The following DAPK2 variants were observed in gnomAD, a reference collection of about 807,000 sequenced individuals.
The protein encoded by DAPK2 is death associated protein kinase 2.
A neutral mutation model predicts 44.1 loss-of-function variants in DAPK2; 35 were observed. The ratio of observed to expected loss-of-function variants is 0.79; its 90% CI spans 0.61 to 1.05. DAPK2 has a LOEUF of 1.05. Ranked by LOEUF, DAPK2 falls within the 50% of genes least tolerant of loss-of-function variation. DAPK2 has a pLI of 0.00. For synonymous variants in DAPK2, 174 were observed against 182.6 expected (o/e 0.95, Z 0.38); for missense variants, 453 against 483.2 (o/e 0.94, Z 0.59).
chr15:63,996,222 C>T (rs2078946157), intron 1 of DAPK2, among the ~76,000 whole-genome samples: 1 of 152,120 alleles, frequency 6.6e-6, no homozygotes, highest in Admixed American at 6.5e-5. Flanking sequence ...TCACTTGAGG[C>T]CAGGAGTTGA....
At chr15:63,951,065 G>A (rs1033073957) in intron 3 of DAPK2, among the ~76,000 whole-genome samples, 5 of 151,996 alleles carry the variant, frequency 3.3e-5, no homozygotes, top group South Asian at 2.1e-4. Flanking sequence ...CCCCCTCCCC[G>A]GGGTTCTGGA....
intron 1 of DAPK2, among the ~76,000 whole-genome samples, chr15:64,045,468 G>C (rs937256541): frequency 1.1e-4 from 17 of 152,096 alleles, no homozygotes; most frequent in African/African-American, 4.1e-4. Flanking sequence ...AGGATTCCAG[G>C]ATACAAGATG....
rs2078703399 is a variant in DAPK2 at position 63,908,510 on chromosome 15, G to C, written c.*10C>G. 1 of 1,577,774 alleles carries C rather than the reference G, an allele frequency of 6.3e-7. No individual in the cohort carries two copies. Reference sequence around the variant, plus strand: ...CAGACCTCCCTGGCGGCCACTGCAGGTCAGGCCAGTTAGGAGGTGCTGCTC... The same window carrying C: ...CAGACCTCCCTGGCGGCCACTGCAGCTCAGGCCAGTTAGGAGGTGCTGCTC... On this transcript the variant is annotated 3_prime_UTR_variant, in exon 11 of 11. Transcript: ENST00000261891. The surrounding 1 kb of genome is among the most constrained non-coding windows in gnomAD (Gnocchi z 5.7).
chr15:63,960,941 GC>G (rs2077882404), intron 3 of DAPK2, among the ~76,000 whole-genome samples: 2 of 152,200 alleles, frequency 1.3e-5, no homozygotes, highest in Admixed American at 6.5e-5. Flanking sequence ...AATGTTGACA[GC>G]GGGGTGTTAA....
intron 10 of DAPK2, among the ~76,000 whole-genome samples, chr15:63,910,444 C>A (rs940120012): frequency 6.6e-6 from 1 of 152,348 alleles, no homozygotes. Context: ...TCCTGAGCAC[C>A]CTACACCACG....
chr15:63,976,463 A>C (rs1447329072), intron 2 of DAPK2, among the ~76,000 whole-genome samples: 1 of 152,214 alleles, frequency 6.6e-6, no homozygotes, highest in African/African-American at 2.4e-5. Flanking sequence ...TCACACCTGT[A>C]ATCTCAGCAC....
At chr15:64,001,200 T>A (rs1265625670) in intron 1 of DAPK2, among the ~76,000 whole-genome samples, 1 of 128,560 alleles carries the variant, frequency 7.8e-6, no homozygotes, top group Non-Finnish European at 1.7e-5. Context: ...TTTAATCACC[T>A]CCACTACCTG....
chr15:64,012,955 C>G (rs2079426680), intron 1 of DAPK2, among the ~76,000 whole-genome samples: 1 of 152,158 alleles, frequency 6.6e-6, no homozygotes, highest in Non-Finnish European at 1.5e-5. Context: ...AAAATGTTTA[C>G]ACTACAACAT....
intron 10 of DAPK2, 156 bp downstream of exon 11, chr15:63,911,752 C>A: frequency 1.3e-6 from 1 of 748,898 alleles, no homozygotes; most frequent in South Asian, 1.7e-5. Flanking sequence ...CTGAAGATCA[C>A]ACTTCAGCCT....
intron 3 of DAPK2, among the ~76,000 whole-genome samples, chr15:63,953,066 T>C (rs1327557215): frequency 6.6e-6 from 1 of 152,112 alleles, no homozygotes; most frequent in Non-Finnish European, 1.5e-5. Context: ...TTGTGAGATT[T>C]TGGTGTTCCC....
intron 3 of DAPK2, among the ~76,000 whole-genome samples, chr15:63,969,217 C>G (rs1302418196): frequency 6.6e-6 from 1 of 151,826 alleles, no homozygotes; most frequent in Non-Finnish European, 1.5e-5. Flanking sequence ...CTAGGAGTTG[C>G]AGACCAGCCT....
Position 63,930,597 on chromosome 15 carries a change from C to T in DAPK2, c.584-142G>A, listed in dbSNP as rs2079515796. The T allele has an allele frequency of 5.3e-6, 4 of 753,326 alleles. No individual in the cohort carries two copies. In the South Asian group the frequency reaches 6.5e-5, roughly 12 times the overall value. The allele number at this position is 753,326 out of a possible 1,614,324, so 46.7% of individuals were successfully genotyped here. On this transcript the variant is annotated intron_variant, in intron 4 of 10. Transcript: ENST00000261891. The stretch of plus-strand genomic sequence containing the variant: ...TAGAGCAGCAGATAAAGGTGATCTG[C>T]ATCTAAGATTCTGAGGAAAGGAGTT...
intron 8 of DAPK2, 182 bp downstream of exon 9, chr15:63,924,634 C>A: frequency 1.7e-6 from 1 of 584,134 alleles, no homozygotes; most frequent in South Asian, 2.4e-5. Flanking sequence ...AAATAGCAAG[C>A]AAATAAACCT....
At chr15:64,000,570 C>A (rs964439653) in intron 1 of DAPK2, among the ~76,000 whole-genome samples, 3 of 152,118 alleles carry the variant, frequency 2.0e-5, no homozygotes, top group Admixed American at 6.5e-5. Flanking sequence ...CTTAACATGA[C>A]TGAATTAGAC....
At chr15:63,931,276 T>C (rs2079546726) in intron 4 of DAPK2, among the ~76,000 whole-genome samples, 1 of 152,178 alleles carries the variant, frequency 6.6e-6, no homozygotes, top group South Asian at 2.1e-4. Flanking sequence ...TTAAGGTATT[T>C]CATTAAAGCA....
intron 4 of DAPK2, chr15:63,936,070 A>G (rs2077137769): frequency 6.6e-6 from 1 of 152,210 alleles, no homozygotes; most frequent in African/African-American, 2.4e-5. Context: ...TAATATTTAT[A>G]TTCCACTAGT....
At chr15:64,006,702 T>C (rs1205459450) in intron 1 of DAPK2, among the ~76,000 whole-genome samples, 1 of 152,184 alleles carries the variant, frequency 6.6e-6, no homozygotes, top group Admixed American at 6.5e-5. Context: ...ACATCACCTA[T>C]TCTCCCGGGC....
intron 1 of DAPK2, among the ~76,000 whole-genome samples, chr15:64,031,955 G>A (rs750829196): frequency 2.0e-5 from 3 of 152,204 alleles, no homozygotes; most frequent in Non-Finnish European, 4.4e-5. Flanking sequence ...GCTTATGGGG[G>A]CTGTGAGCTT....
rs200773863 is a variant in DAPK2, at chr15:63,911,948, G to A, written c.992C>T (p.Ser331Leu). 92 of 1,613,834 alleles carry A rather than the reference G, an allele frequency of 5.7e-5. No individual in the cohort carries two copies. The highest frequency in any genetic ancestry group is 1.6e-4 in the Middle Eastern group (1 of 6,082). ...CCTCAGGTGCACCTTCTTCATCAGCGAGCGGGTGAGGTGGTTGCACAGGGA... is the reference window on the plus strand; with the variant it reads ...CCTCAGGTGCACCTTCTTCATCAGCAAGCGGGTGAGGTGGTTGCACAGGGA... The change falls in exon 10 of 11, where the codon TCG (serine) becomes TTG (leucine). Residue 331 changes from serine (S) to leucine (L), a missense_variant. By Grantham distance (145) the Ser-to-Leu change is moderately radical. Coordinates refer to ENST00000261891, the Ensembl canonical transcript of DAPK2.
Sources: gnomAD v4.1 joint callset for allele counts (sites outside exome capture counted in the v4.1 genomes callset) on GRCh38, gnomAD v4.1.1 for gene constraint, Gnocchi (gnomAD v3.1) non-coding constraint, MANE v1.5 for transcripts, NCBI Gene and HGNC (gene_info 2026-07-23, HGNC 2026-07-21) for gene names.